Variants in ADGRB3 observed in about 807,000 individuals in gnomAD.
ADGRB3 encodes brain-specific angiogenesis inhibitor 3.
Under a neutral mutation model 193.4 loss-of-function variants are expected in ADGRB3, and 37 were observed. The ratio of observed to expected loss-of-function variants is 0.19; its 90% CI spans 0.15 to 0.25. The LOEUF is 0.25. ADGRB3 is among the 10% of genes least tolerant of loss of function. The pLI is 1.00. For missense variants in ADGRB3, 1,637 were observed against 1,852.9 expected, an observed-to-expected ratio of 0.88 and a Z score of 2.14; for synonymous variants, 690 against 644.2, an observed-to-expected ratio of 1.07 and a Z score of -1.08.
intron 20 of ADGRB3, among the ~76,000 whole-genome samples, chr6:69,297,370 C>CTCTCTCTCTCTCTCTCTCTCTCTT (rs1767847524): frequency 9.6e-6 from 1 of 103,820 alleles, no homozygotes; most frequent in South Asian, 2.9e-4. Flanking sequence ...CTCTCTCTTT[C>CTCTCTCTCTCTCTCTCTCTCTCTT]TCTCTCTCTC....
At chr6:69,320,677 C>A (rs544201117) in intron 20 of ADGRB3, among the ~76,000 whole-genome samples, 2 of 151,688 alleles carry the variant, frequency 1.3e-5, no homozygotes, top group African/African-American at 4.8e-5. Context: ...TTCTTGTACC[C>A]TGGGTTGCTT....
intron 17 of ADGRB3, among the ~76,000 whole-genome samples, chr6:69,133,900 T>G (rs1000841101): frequency 2.0e-5 from 3 of 152,062 alleles, no homozygotes; most frequent in African/African-American, 7.2e-5. Context: ...TACATCTTCA[T>G]AGTTTAGCTC....
intron 16 of ADGRB3, among the ~76,000 whole-genome samples, chr6:69,073,173 A>T (rs9446090): frequency 0.24 from 36,701 of 152,042 alleles, 4,720 homozygotes; most frequent in African/African-American, 0.27. Context: ...TAGGACTATG[A>T]CCTTTTTTCA....
At chr6:68,883,766 A>G (rs576618132) in intron 3 of ADGRB3, among the ~76,000 whole-genome samples, 41 of 152,310 alleles carry the variant, frequency 2.7e-4, no homozygotes, top group African/African-American at 9.4e-4. Context: ...CGTCACCTTT[A>G]TAGAACTGTA....
chr6:69,154,729 C>T (rs1052296329), intron 17 of ADGRB3, among the ~76,000 whole-genome samples: 1 of 152,162 alleles, frequency 6.6e-6, no homozygotes, highest in Non-Finnish European at 1.5e-5. Flanking sequence ...AACTTGATTT[C>T]CCCAGTCTTC....
chr6:68,713,882 A>G (rs2802678), intron 3 of ADGRB3, among the ~76,000 whole-genome samples: 14,403 of 151,694 alleles, frequency 0.095, 864 homozygotes, highest in Middle Eastern at 0.15. Context: ...TATAATCATT[A>G]TATAGATCTT....
At chr6:68,923,226 G>A (rs1422948160) in intron 3 of ADGRB3, among the ~76,000 whole-genome samples, 1 of 151,892 alleles carries the variant, frequency 6.6e-6, no homozygotes, top group African/African-American at 2.4e-5. Context: ...AACTACTTTG[G>A]TATTTCTAGA....
intron 17 of ADGRB3, among the ~76,000 whole-genome samples, chr6:69,215,989 T>C (rs1765765950): frequency 3.3e-5 from 5 of 152,178 alleles, no homozygotes. Flanking sequence ...ACAAAGATGG[T>C]TTTTCGTCTT....
At chr6:68,778,456 G>C (rs1480578332) in intron 3 of ADGRB3, among the ~76,000 whole-genome samples, 1 of 152,052 alleles carries the variant, frequency 6.6e-6, no homozygotes, top group African/African-American at 2.4e-5. Context: ...ATGAAACACA[G>C]GTATATTTAG....
intron 3 of ADGRB3, among the ~76,000 whole-genome samples, chr6:68,907,215 A>G (rs889903671): frequency 4.1e-4 from 62 of 151,934 alleles, no homozygotes; most frequent in African/African-American, 1.4e-3. Context: ...ATTATTGTTT[A>G]TAATTTATTA....
At chr6:68,760,243 A>G (rs1385911754) in intron 3 of ADGRB3, among the ~76,000 whole-genome samples, 1 of 152,178 alleles carries the variant, frequency 6.6e-6, no homozygotes, top group Admixed American at 6.5e-5. Context: ...TATTTCTGAA[A>G]ATGACAAACA....
At chr6:68,700,416 G>A (rs1249941885) in intron 3 of ADGRB3, among the ~76,000 whole-genome samples, 1 of 151,714 alleles carries the variant, frequency 6.6e-6, no homozygotes, top group Non-Finnish European at 1.5e-5. Flanking sequence ...ATCTATAAAC[G>A]GTTGGAATCA....
At chr6:68,741,271 C>T (rs138746075) in intron 3 of ADGRB3, among the ~76,000 whole-genome samples, 93 of 152,242 alleles carry the variant, frequency 6.1e-4, no homozygotes, top group African/African-American at 1.9e-3. Context: ...GATTATGAAA[C>T]TAAGGCACCC....
intron 3 of ADGRB3, among the ~76,000 whole-genome samples, chr6:68,788,277 C>T (rs960997496): frequency 6.6e-6 from 1 of 151,976 alleles, no homozygotes; most frequent in Non-Finnish European, 1.5e-5. Flanking sequence ...TTCCTGCTTT[C>T]TCTTGTGGGC....
chr6:68,808,157 G>T (rs1054255518), intron 3 of ADGRB3, among the ~76,000 whole-genome samples: 3 of 152,056 alleles, frequency 2.0e-5, no homozygotes, highest in Non-Finnish European at 2.9e-5. Flanking sequence ...TTACACAATA[G>T]ATTGTTCCTT....
chr6:69,089,693 T>G (rs537733521), intron 17 of ADGRB3, among the ~76,000 whole-genome samples: 1 of 152,342 alleles, frequency 6.6e-6, no homozygotes, highest in South Asian at 2.1e-4. Context: ...TCCTGTACTG[T>G]GAGCATGGTC....
chr6:69,010,470 A>G (rs1769898854), intron 11 of ADGRB3, among the ~76,000 whole-genome samples: 1 of 152,120 alleles, frequency 6.6e-6, no homozygotes, highest in Non-Finnish European at 1.5e-5. Flanking sequence ...AAAAAAATAT[A>G]TAACATAAAG....
chr6:68,872,199 T>C (rs1448231131), intron 3 of ADGRB3, among the ~76,000 whole-genome samples: 1 of 152,148 alleles, frequency 6.6e-6, no homozygotes, highest in Non-Finnish European at 1.5e-5. Context: ...CAACAGCTAA[T>C]TACTCCTGTC....
chr6:68,955,196 G>T (rs9360367), intron 6 of ADGRB3, among the ~76,000 whole-genome samples: 132,612 of 152,188 alleles, frequency 0.87, 57,815 homozygotes, highest in South Asian at 0.95. Context: ...TCCTAAGTAT[G>T]TTCTCTTTAT....
Sources: gnomAD v4.1 joint callset for allele counts (sites outside exome capture counted in the v4.1 genomes callset) on GRCh38, gnomAD v4.1.1 for gene constraint, MANE v1.5 for transcripts, NCBI Gene and HGNC (gene_info 2026-07-23, HGNC 2026-07-21) for gene names.